CCDC73: variants seen among roughly 807,000 people sequenced by gnomAD.
CCDC73 encodes the protein coiled-coil domain-containing protein 73.
Under a neutral mutation model 116.5 loss-of-function variants are expected in CCDC73, and 95 were observed. That is an observed-to-expected ratio of 0.82 (90% CI 0.69 to 0.97). The LOEUF is 0.97. Among genes scored for constraint, CCDC73 ranks in the 50% least tolerant of loss-of-function variants. CCDC73 has a pLI of 0.00. For missense variants in CCDC73, 1,066 were observed against 1,206.8 expected (o/e 0.88, Z 1.73); for synonymous variants, 398 against 401.3 (o/e 0.99, Z 0.10).
Position 32,699,306 on chromosome 11 carries a change from G to A in CCDC73, c.335C>T (p.Thr112Ile). 6.4e-7 allele frequency: 1 copy of A among 1,571,518 alleles called. No individual in the cohort carries two copies. Among genetic ancestry groups the A allele is most frequent in the Non-Finnish European group, 8.7e-7 (1 of 1,154,734 alleles). The change falls in exon 6 of 18, where the codon ACA (threonine) becomes ATA (isoleucine). Residue 112 changes from threonine (T) to isoleucine (I), a missense_variant. By Grantham distance (89) the Thr-to-Ile change is moderately conservative. Coordinates refer to ENST00000335185, the MANE Select transcript of CCDC73 (RefSeq NM_001008391.4). ...TTCTATTTCTTTTTCCTTTATTTCTGTAGCAAGTTGATATTTTCCCTTTAA... is the reference window on the plus strand; with the variant it reads ...TTCTATTTCTTTTTCCTTTATTTCTATAGCAAGTTGATATTTTCCCTTTAA... ...EEEKGKYQLA[T>I]EIKEKEIEGL...
chr11:32,694,363 T>C (rs1296532319), intron 6 of CCDC73, among the ~76,000 whole-genome samples: 5 of 152,282 alleles, frequency 3.3e-5, no homozygotes, highest in African/African-American at 1.2e-4. Flanking sequence ...TTACAAGGGA[T>C]GTGAAGGACC....
rs1038767078 is a variant in CCDC73 at position 32,606,616 on chromosome 11, A to AT, written c.3031-3597dup. ...TATGCATCAATCTTTCAGAAGAAACATTTTTTCTATTGTGAAAGTTAAGAA... is the reference window on the plus strand; with the variant it reads ...TATGCATCAATCTTTCAGAAGAAACATTTTTTTCTATTGTGAAAGTTAAGAA... On this transcript the variant is annotated intron_variant, in intron 17 of 17. Transcript: ENST00000335185. Among the ~76,000 whole-genome samples, 10 of 152,058 alleles carry AT rather than the reference A, an allele frequency of 6.6e-5. 1 individual carries two copies. Among genetic ancestry groups the AT allele is most frequent in the Admixed American group, 6.6e-4 (10 of 15,260 alleles).
chr11:32,614,996 C>G, intron 15 of CCDC73, 54 bp from the exon 16 acceptor site: 1 of 1,026,108 alleles, frequency 9.7e-7, no homozygotes, highest in South Asian at 1.8e-5. Flanking sequence ...AGGCTGATTT[C>G]ATAAGACATA....
chr11:32,614,165 T>C lies in CCDC73; in HGVS notation c.2153A>G (p.Asn718Ser). The change falls in exon 16 of 18, where the codon AAT (asparagine) becomes AGT (serine). Residue 718 changes from asparagine (N) to serine (S), a missense_variant. Asn to Ser is a conservative substitution (Grantham distance 46). Coordinates refer to ENST00000335185, the MANE Select transcript of CCDC73 (RefSeq NM_001008391.4). ...TGAGTTCTTCAGAAGTAGTTTTGAA[T>C]TAGCACTAAAAGCAGCATATGAAAC... is the stretch of plus-strand genomic sequence containing the variant. ...HHVSYAAFSA[N>S]SKLLLKNSDK... The C allele has an allele frequency of 6.2e-7, 1 of 1,613,900 alleles. No homozygotes were observed. The highest frequency in any genetic ancestry group is 2.2e-5 in the East Asian group (1 of 44,836).
intron 14 of CCDC73, among the ~76,000 whole-genome samples, chr11:32,620,729 T>C (rs1268746088): frequency 6.7e-6 from 1 of 150,274 alleles, no homozygotes; most frequent in Non-Finnish European, 1.5e-5. Context: ...AAAAGAGCAA[T>C]GAGTAACAGG....
chr11:32,821,734 G>T, the CCDC73 span, among the ~76,000 whole-genome samples: 59 of 152,274 alleles, frequency 3.9e-4, no homozygotes, highest in African/African-American at 1.3e-3. Flanking sequence ...AGGGGGTAAA[G>T]TGGAAATCCT....
intron 2 of CCDC73, among the ~76,000 whole-genome samples, chr11:32,729,101 G>T (rs1210428491): frequency 6.6e-6 from 1 of 151,748 alleles, no homozygotes; most frequent in Non-Finnish European, 1.5e-5. Flanking sequence ...ATGGTTTGCT[G>T]CACAGATCAA....
rs752044426 is a variant in CCDC73, at chr11:32,760,265, T to A, written c.-15-7A>T. 1 of 1,475,538 alleles carries A rather than the reference T, an allele frequency of 6.8e-7. No individual in the cohort carries two copies. Among genetic ancestry groups the A allele is most frequent in the East Asian group, 2.3e-5 (1 of 42,692 alleles). The allele number at this position is 1,475,538 out of a possible 1,614,324, so 91.4% of individuals were successfully genotyped here. A position where few individuals can be genotyped will look rare whatever the true frequency, so the allele number is the denominator to read the frequency against. Reference sequence around the variant, plus strand: ...CCATATTAATATTTATTTCCTGTAATGTAAAAAGGTCTTAACTGAAAAAAA... The same window carrying A: ...CCATATTAATATTTATTTCCTGTAAAGTAAAAAGGTCTTAACTGAAAAAAA... On this transcript the variant is annotated splice_region_variant and splice_polypyrimidine_tract_variant and intron_variant, in intron 1 of 17. Coordinates refer to ENST00000335185, the MANE Select transcript of CCDC73 (RefSeq NM_001008391.4).
chr11:32,817,447 C>T, the CCDC73 span, among the ~76,000 whole-genome samples: 1 of 152,226 alleles, frequency 6.6e-6, no homozygotes, highest in Non-Finnish European at 1.5e-5. Flanking sequence ...CTCATACCTA[C>T]ATTTTAATCT....
intron 2 of CCDC73, among the ~76,000 whole-genome samples, chr11:32,735,867 C>T (rs1850125056): frequency 6.6e-6 from 1 of 152,116 alleles, no homozygotes; most frequent in Non-Finnish European, 1.5e-5. Flanking sequence ...ACATCTACAA[C>T]CATCTGATCT....
upstream of CCDC73, chr11:32,794,672 G>A (rs565170240): frequency 2.0e-5 from 3 of 152,248 alleles, no homozygotes; most frequent in Non-Finnish European, 4.4e-5. Flanking sequence ...TCCCGCCCTA[G>A]GGCACTTCCG....
At chr11:32,745,023 C>T (rs763980694) in intron 2 of CCDC73, among the ~76,000 whole-genome samples, 2 of 152,172 alleles carry the variant, frequency 1.3e-5, no homozygotes, top group Non-Finnish European at 2.9e-5. Context: ...ATCTTTCCTG[C>T]TTTCTCTTGT....
intron 1 of CCDC73, among the ~76,000 whole-genome samples, chr11:32,773,916 C>G (rs1164301128): frequency 1.3e-5 from 2 of 152,090 alleles, no homozygotes; most frequent in African/African-American, 4.8e-5. Context: ...CATGTTTTCT[C>G]TCAGGTGTTT....
chr11:32,823,927 T>C, the CCDC73 span, among the ~76,000 whole-genome samples: 3 of 152,038 alleles, frequency 2.0e-5, no homozygotes, highest in African/African-American at 7.2e-5. Flanking sequence ...CAGAGTCTCG[T>C]TCTGTTGCCC....
chr11:32,720,548 A>C (rs1405011269), intron 2 of CCDC73, among the ~76,000 whole-genome samples: 1 of 150,978 alleles, frequency 6.6e-6, no homozygotes, highest in African/African-American at 2.4e-5. Context: ...CAAATAAATA[A>C]ACAGATTGGA....
intron 3 of CCDC73, among the ~76,000 whole-genome samples, chr11:32,711,776 A>G (rs1849902611): frequency 6.6e-6 from 1 of 152,160 alleles, no homozygotes. Context: ...ACAAAAACAA[A>G]AACTTTAACA....
rs370933144 is a variant in CCDC73 at position 32,662,397 on chromosome 11, T to A, written c.646-7425A>T. Among the ~76,000 whole-genome samples the A allele has an allele frequency of 3.6e-4, 55 of 152,360 alleles. No individual in the cohort carries two copies. In the East Asian group the frequency reaches 9.8e-3, roughly 27 times the overall value. On this transcript the variant is annotated intron_variant, in intron 9 of 17. Transcript: ENST00000335185. ...CCATTCTAACTGGTGTGAGATGGTATCTCATTGTGGTTTTGATTTGCATTT... is the reference window on the plus strand; with the variant it reads ...CCATTCTAACTGGTGTGAGATGGTAACTCATTGTGGTTTTGATTTGCATTT...
chr11:32,638,470 T>C (rs1420565317), intron 13 of CCDC73, among the ~76,000 whole-genome samples: 2 of 152,156 alleles, frequency 1.3e-5, no homozygotes, highest in Admixed American at 6.5e-5. Context: ...ATGATTGTTC[T>C]ATTTCTTTTA....
intron 2 of CCDC73, among the ~76,000 whole-genome samples, chr11:32,735,013 T>C (rs1234593042): frequency 2.0e-5 from 3 of 152,162 alleles, no homozygotes; most frequent in South Asian, 4.1e-4. Context: ...ATTGATGGGA[T>C]GTATCTCAAA....
Sources: gnomAD v4.1 joint callset for allele counts (sites outside exome capture counted in the v4.1 genomes callset) on GRCh38, gnomAD v4.1.1 for gene constraint, MANE v1.5 for transcripts, NCBI Gene and HGNC (gene_info 2026-07-23, HGNC 2026-07-21) for gene names.